ALG14: variants seen among roughly 807,000 people sequenced by gnomAD.
ALG14 encodes UDP-N-acetylglucosamine transferase subunit ALG14.
ALG14 carries 17 observed loss-of-function variants against 22.8 expected under a neutral mutation model. The observed-to-expected ratio is 0.75, with a 90% CI of 0.51 to 1.12. ALG14 has a LOEUF of 1.12. ALG14 is among the 50% of genes most tolerant of loss of function. The pLI is 0.00. For missense variants in ALG14, 288 were observed against 271.8 expected, an observed-to-expected ratio of 1.06 and a Z score of -0.42; for synonymous variants, 89 against 103.7, an observed-to-expected ratio of 0.86 and a Z score of 0.86.
At chr1:95,010,777 T>C (rs139912220) in intron 3 of ALG14, among the ~76,000 whole-genome samples, 101 of 152,328 alleles carry the variant, frequency 6.6e-4, no homozygotes, top group African/African-American at 2.3e-3. Context: ...CAAAAATGAA[T>C]TAGTTCCTTT....
chr1:95,021,624 G>A (rs1021227246), intron 3 of ALG14, among the ~76,000 whole-genome samples: 2 of 152,116 alleles, frequency 1.3e-5, no homozygotes, highest in African/African-American at 4.8e-5. Flanking sequence ...TTTAAAATAA[G>A]CACTGAAAGT....
intron 3 of ALG14, among the ~76,000 whole-genome samples, chr1:94,989,462 T>C (rs1672720850): frequency 1.3e-5 from 2 of 152,208 alleles, no homozygotes; most frequent in South Asian, 4.1e-4. Flanking sequence ...TACTCCTTTC[T>C]AGGCCTCCTT....
In ALG14 at chr1:94,978,832, TTC is replaced by T. The variant is rs906283499; in HGVS notation, c.*4242_*4243del. The T allele has an allele frequency of 3.2e-5, 4 of 126,120 alleles. No individual in the cohort carries two copies. Among genetic ancestry groups the T allele is most frequent in the Non-Finnish European group, 6.4e-5 (4 of 62,418 alleles). 7.8% of individuals were successfully genotyped at this position (126,120 alleles called of 1,614,324 possible). A position where few individuals can be genotyped will look rare whatever the true frequency, so the allele number is the denominator to read the frequency against. On this transcript the variant is annotated 3_prime_UTR_variant, in exon 4 of 4. Transcript: ENST00000370205. ...ATTTATTTCCTTTTGAGGACATTTT[TTC>T]TTTTTTCTTTAAAAAAAAAAAAAAA...
chr1:95,040,547 C>A (rs1674347626), intron 2 of ALG14, among the ~76,000 whole-genome samples: 1 of 151,804 alleles, frequency 6.6e-6, no homozygotes, highest in Non-Finnish European at 1.5e-5. Flanking sequence ...ACTGCAACTA[C>A]CAGAATTATT....
At chr1:95,000,638 A>T (rs1458593385) in intron 3 of ALG14, among the ~76,000 whole-genome samples, 2 of 151,830 alleles carry the variant, frequency 1.3e-5, no homozygotes, top group Non-Finnish European at 2.9e-5. Context: ...AAGCAGACTT[A>T]ATTGTTCCAA....
At chr1:95,018,154 C>G (rs1383456821) in intron 3 of ALG14, among the ~76,000 whole-genome samples, 1 of 151,598 alleles carries the variant, frequency 6.6e-6, no homozygotes, top group Non-Finnish European at 1.5e-5. Flanking sequence ...AAAATGGATG[C>G]AAACCAGAAA....
intron 3 of ALG14, among the ~76,000 whole-genome samples, chr1:95,006,886 C>T (rs1486301486): frequency 1.3e-5 from 2 of 152,216 alleles, no homozygotes; most frequent in South Asian, 2.1e-4. Flanking sequence ...TCTTATATAA[C>T]TCGGTTTCAT....
At chr1:95,045,798 C>T (rs1325485335) in intron 2 of ALG14, among the ~76,000 whole-genome samples, 1 of 144,994 alleles carries the variant, frequency 6.9e-6, no homozygotes, top group Non-Finnish European at 1.5e-5. Context: ...AATTAGTATA[C>T]TAATAGAATG....
intron 3 of ALG14, among the ~76,000 whole-genome samples, chr1:94,988,868 C>T (rs1672704918): frequency 6.6e-6 from 1 of 152,136 alleles, no homozygotes; most frequent in Non-Finnish European, 1.5e-5. Context: ...AAAAAGAACA[C>T]AATCCTTTTA....
chr1:95,022,499 C>T (rs969878637), intron 3 of ALG14: 2 of 374,216 alleles, frequency 5.3e-6, no homozygotes, highest in African/African-American at 4.4e-5. Flanking sequence ...GCCAGTCCTT[C>T]TGTATCTTTA....
Position 94,982,834 on chromosome 1 carries a change from T to A in ALG14, c.*242A>T. The A allele has an allele frequency of 2.4e-6, 1 of 425,100 alleles. No homozygotes were observed. Among genetic ancestry groups the A allele is most frequent in the Non-Finnish European group, 4.2e-6 (1 of 239,482 alleles). 26.3% of individuals were successfully genotyped at this position (425,100 alleles called of 1,614,324 possible). A position where few individuals can be genotyped will look rare whatever the true frequency, so the allele number is the denominator to read the frequency against. On this transcript the variant is annotated 3_prime_UTR_variant, in exon 4 of 4. Coordinates refer to ENST00000370205, the MANE Select transcript of ALG14 (RefSeq NM_144988.4). ...TTGCAGGTAGTAATACATATTTTTA[T>A]CTAGAAAAGAAATTTGGTTTACAGA...
At chr1:95,009,569 G>T (rs1673310301) in intron 3 of ALG14, among the ~76,000 whole-genome samples, 1 of 152,022 alleles carries the variant, frequency 6.6e-6, no homozygotes. Flanking sequence ...AATAGAGAAA[G>T]AATAAATCCC....
intron 2 of ALG14, among the ~76,000 whole-genome samples, chr1:95,029,855 C>G (rs988492764): frequency 1.3e-5 from 2 of 152,150 alleles, no homozygotes; most frequent in African/African-American, 4.8e-5. Context: ...GACCTGGGCT[C>G]AATATGTATC....
intron 2 of ALG14, among the ~76,000 whole-genome samples, chr1:95,030,638 C>T (rs1673970469): frequency 6.6e-6 from 1 of 152,134 alleles, no homozygotes; most frequent in South Asian, 2.1e-4. Flanking sequence ...ACAGTGTCAC[C>T]AGGACTGGAA....
chr1:94,995,056 C>T (rs1672874037), intron 3 of ALG14, among the ~76,000 whole-genome samples: 1 of 152,140 alleles, frequency 6.6e-6, no homozygotes, highest in African/African-American at 2.4e-5. Flanking sequence ...TGATATTTTT[C>T]CTGTGACACT....
intron 3 of ALG14, among the ~76,000 whole-genome samples, chr1:94,988,473 A>G (rs1672694087): frequency 6.6e-6 from 1 of 152,216 alleles, no homozygotes; most frequent in African/African-American, 2.4e-5. Context: ...AACCTCAGAG[A>G]TGGCTATTTC....
intron 2 of ALG14, among the ~76,000 whole-genome samples, chr1:95,060,836 C>T (rs1675122355): frequency 6.6e-6 from 1 of 152,216 alleles, no homozygotes; most frequent in South Asian, 2.1e-4. Flanking sequence ...TATATAACTA[C>T]TGTCCCCCTA....
At chr1:95,065,161 T>G in intron 1 of ALG14, 144 bp from the exon 2 acceptor site, 8 of 665,334 alleles carry the variant, frequency 1.2e-5, no homozygotes, top group Non-Finnish European at 2.0e-5. Flanking sequence ...AAGGAACATT[T>G]GAAAACAATA....
Position 94,997,634 on chromosome 1 carries a change from G to A in ALG14, c.421-14328C>T, listed in dbSNP as rs761263918. 7.9e-5 allele frequency among the ~76,000 whole-genome samples: 12 copies of A among 152,184 alleles called. No homozygotes were observed. The East Asian group carries it at 9.6e-4, about 12-fold the overall frequency. ...CGTGGGGGAATCATTTCACCTCTCT[G>A]TACTTCAGTTGCCTCATCTGTAATA... On this transcript the variant is annotated intron_variant, in intron 3 of 3. Coordinates refer to ENST00000370205, the MANE Select transcript of ALG14 (RefSeq NM_144988.4).
Sources: gnomAD v4.1 joint callset for allele counts (sites outside exome capture counted in the v4.1 genomes callset) on GRCh38, gnomAD v4.1.1 for gene constraint, MANE v1.5 for transcripts, NCBI Gene and HGNC (gene_info 2026-07-23, HGNC 2026-07-21) for gene names.